TBC1D22A: variants seen among roughly 807,000 people sequenced by gnomAD.
The protein encoded by TBC1D22A is putative GTPase activator.
A neutral mutation model predicts 60.2 loss-of-function variants in TBC1D22A; 38 were observed. That is an observed-to-expected ratio of 0.63 (90% CI 0.49 to 0.83). The LOEUF is 0.83. TBC1D22A is among the 40% of genes least tolerant of loss of function. TBC1D22A has a pLI of 0.00. For synonymous variants in TBC1D22A, 302 were observed against 281.7 expected (o/e 1.07, Z -0.72); for missense variants, 628 against 701.0 (o/e 0.90, Z 1.18).
intron 4 of TBC1D22A, among the ~76,000 whole-genome samples, chr22:46,812,977 G>C (rs911186641): frequency 2.0e-5 from 3 of 152,134 alleles, no homozygotes; most frequent in Admixed American, 2.0e-4. Flanking sequence ...GTCGTGTCCG[G>C]AGCTGTCCGT....
chr22:46,897,714 C>G (rs781470769), intron 7 of TBC1D22A, among the ~76,000 whole-genome samples: 3 of 147,958 alleles, frequency 2.0e-5, no homozygotes, highest in Non-Finnish European at 4.5e-5. Flanking sequence ...TACCTGCCTC[C>G]AGACCCTATT....
chr22:47,157,435 C>T lies in TBC1D22A; in HGVS notation c.1426-16063C>T, dbSNP rs558875250. On this transcript the variant is annotated intron_variant, in intron 12 of 12. Coordinates refer to ENST00000337137, the MANE Select transcript of TBC1D22A (RefSeq NM_014346.5). The stretch of plus-strand genomic sequence containing the variant: ...GGAACTTGTGTGTTTGTGGTGTGTG[C>T]ACGTGTCCGTCTAGATGAACTGAAG... Among the ~76,000 whole-genome samples the T allele has an allele frequency of 2.0e-5, 3 of 152,310 alleles. No homozygotes were observed. The East Asian group carries it at 5.8e-4, about 29-fold the overall frequency.
At chr22:46,852,992 G>A (rs1439047412) in intron 4 of TBC1D22A, among the ~76,000 whole-genome samples, 1 of 152,204 alleles carries the variant, frequency 6.6e-6, no homozygotes, top group African/African-American at 2.4e-5. Flanking sequence ...CCTGCACACT[G>A]TGACCTCCAA....
intron 10 of TBC1D22A, 140 bp from the exon 11 acceptor site, chr22:47,036,931 C>T: frequency 1.1e-6 from 1 of 928,106 alleles, no homozygotes; most frequent in Non-Finnish European, 1.6e-6. Context: ...TTCTTTGCTC[C>T]TTGGGGGTTG....
At chr22:47,109,185 G>C (rs1179675911) in intron 11 of TBC1D22A, among the ~76,000 whole-genome samples, 2 of 152,212 alleles carry the variant, frequency 1.3e-5, no homozygotes. Context: ...ACCAGGAAGA[G>C]AAAACAATTT....
chr22:47,141,256 A>G (rs537281506), intron 12 of TBC1D22A, among the ~76,000 whole-genome samples: 33 of 152,084 alleles, frequency 2.2e-4, no homozygotes, highest in Non-Finnish European at 3.5e-4. Flanking sequence ...CTCCCATGAC[A>G]TGTGGGGATT....
chr22:47,002,091 C>T (rs1205426424), intron 10 of TBC1D22A, among the ~76,000 whole-genome samples: 1 of 152,136 alleles, frequency 6.6e-6, no homozygotes, highest in East Asian at 1.9e-4. Context: ...ATCAACAGTT[C>T]GCACCAATTA....
At chr22:46,920,088 A>ATGT (rs60783794) in intron 8 of TBC1D22A, among the ~76,000 whole-genome samples, 4,340 of 145,824 alleles carry the variant, frequency 0.03, 72 homozygotes, top group Non-Finnish European at 0.045. Context: ...TGTATGTATG[A>ATGT]ATGAAGGAGA....
At chr22:46,785,370 C>T (rs1042168531) in intron 1 of TBC1D22A, among the ~76,000 whole-genome samples, 4 of 152,086 alleles carry the variant, frequency 2.6e-5, no homozygotes, top group African/African-American at 7.2e-5. Context: ...GTTCCAAGAG[C>T]GGGAACCCAA....
At chr22:47,008,049 A>G (rs2061643593) in intron 10 of TBC1D22A, among the ~76,000 whole-genome samples, 1 of 152,240 alleles carries the variant, frequency 6.6e-6, no homozygotes, top group Admixed American at 6.5e-5. Flanking sequence ...CCAAATCAAA[A>G]TAATGCCATG....
At chr22:47,162,352 C>T (rs1167558535) in intron 12 of TBC1D22A, among the ~76,000 whole-genome samples, 2 of 152,022 alleles carry the variant, frequency 1.3e-5, no homozygotes, top group Admixed American at 6.5e-5. Context: ...TCACTTTGTG[C>T]GTTCAATCTC....
chr22:46,833,803 T>A (rs563731556), intron 4 of TBC1D22A, among the ~76,000 whole-genome samples: 1 of 152,256 alleles, frequency 6.6e-6, no homozygotes, highest in East Asian at 1.9e-4. Context: ...TGTCTTTGGG[T>A]AAAACTGCAA....
At chr22:47,039,084 G>A (rs182877501) in intron 11 of TBC1D22A, among the ~76,000 whole-genome samples, 11 of 152,074 alleles carry the variant, frequency 7.2e-5, no homozygotes, top group Admixed American at 2.0e-4. Flanking sequence ...TAAGTCAATC[G>A]CATTTTTGAG....
intron 4 of TBC1D22A, among the ~76,000 whole-genome samples, chr22:46,852,602 C>G (rs2087339894): frequency 6.6e-6 from 1 of 152,166 alleles, no homozygotes; most frequent in Non-Finnish European, 1.5e-5. Context: ...GGTTCCAGCT[C>G]CACGAGGCCT....
At chr22:46,901,330 C>T (rs891104469) in intron 7 of TBC1D22A, among the ~76,000 whole-genome samples, 1 of 152,194 alleles carries the variant, frequency 6.6e-6, no homozygotes, top group African/African-American at 2.4e-5. Context: ...ATGTGGAATC[C>T]TCTCAGCTGC....
chr22:47,162,700 G>T (rs1394277071), intron 12 of TBC1D22A, among the ~76,000 whole-genome samples: 1 of 113,832 alleles, frequency 8.8e-6, no homozygotes, highest in South Asian at 2.7e-4. Flanking sequence ...TGGGACTGCG[G>T]ACCCGGTGCA....
chr22:46,779,338 C>T (rs573828883), intron 1 of TBC1D22A, among the ~76,000 whole-genome samples: 12 of 151,916 alleles, frequency 7.9e-5, no homozygotes, highest in South Asian at 2.1e-4. Context: ...ACTAAAATGT[C>T]GTTATGTGGT....
At position 47,162,660 on chromosome 22, in the gene TBC1D22A, G is replaced by A. The variant is rs567471832; in HGVS notation, c.1426-10838G>A. The stretch of plus-strand genomic sequence containing the variant: ...CAGGGAGAGTCGTGGGAATGGGACT[G>A]CGGACCCGGTGCAGGGAGAGTCGTG... On this transcript the variant is annotated intron_variant, in intron 12 of 12. Transcript: ENST00000337137. 3.3e-3 allele frequency among the ~76,000 whole-genome samples: 186 copies of A among 56,730 alleles called. 1 individual carries two copies. The highest frequency in any genetic ancestry group is 8.3e-3 in the African/African-American group (183 of 22,098). The allele number at this position is 56,730 out of a possible 152,430, so 37.2% of individuals were successfully genotyped here.
chr22:46,904,539 G>A (rs954714114), intron 7 of TBC1D22A, among the ~76,000 whole-genome samples: 2 of 151,466 alleles, frequency 1.3e-5, no homozygotes, highest in Non-Finnish European at 2.9e-5. Context: ...TGTGATCTTG[G>A]CTCTCAGCAA....
Sources: gnomAD v4.1 joint callset for allele counts (sites outside exome capture counted in the v4.1 genomes callset) on GRCh38, gnomAD v4.1.1 for gene constraint, MANE v1.5 for transcripts, NCBI Gene and HGNC (gene_info 2026-07-23, HGNC 2026-07-21) for gene names.